Variants in TVP23B observed in about 807,000 individuals in gnomAD.
TVP23B encodes the protein Golgi apparatus membrane protein TVP23 homolog B.
Under a neutral mutation model 30.6 loss-of-function variants are expected in TVP23B, and 10 were observed. The observed-to-expected ratio is 0.33, with a 90% confidence interval of 0.20 to 0.55. TVP23B has a LOEUF of 0.55. TVP23B is among the 20% of genes least tolerant of loss of function. The pLI is 0.91. For synonymous variants in TVP23B, 67 were observed against 83.1 expected (o/e 0.81, Z 1.06); for missense variants, 153 against 243.2 (o/e 0.63, Z 2.47).
intron 3 of TVP23B, chr17:18,797,310 G>A: frequency 2.7e-6 from 1 of 370,934 alleles, no homozygotes; most frequent in South Asian, 2.7e-5. Context: ...CTGGAGAAAG[G>A]GCAAATTGTT....
In TVP23B at chr17:18,804,205, G is replaced by A. The variant is rs374582039; in HGVS notation, c.530G>A (p.Arg177His). The A allele has an allele frequency of 1.7e-5, 27 of 1,610,266 alleles. No homozygotes were observed. The highest frequency in any genetic ancestry group is 2.1e-5 in the Non-Finnish European group (25 of 1,179,028). ...NLYGYIRCKV[R>H]SRKHLTSMAT... ...TATGGTTACATCAGGTGTAAGGTGC[G>A]CAGCAGAAAGCATTTAACCAGCATG... The change falls in exon 6 of 7, where the codon CGC (arginine) becomes CAC (histidine). Residue 177 changes from arginine (R) to histidine (H), a missense_variant. By Grantham distance (29) the Arg-to-His change is conservative (BLOSUM62 0). Around this residue, in one of 3 missense-constraint regions of TVP23B, gnomAD observed 62 missense variants for 74.3 expected, o/e 0.83. Transcript: ENST00000307767.
intron 3 of TVP23B, among the ~76,000 whole-genome samples, chr17:18,792,856 A>C (rs2151847174): frequency 6.6e-6 from 1 of 152,312 alleles, no homozygotes; most frequent in East Asian, 1.9e-4. Context: ...CAGGGTTCTG[A>C]AACAGTTAAA....
intron 1 of TVP23B, among the ~76,000 whole-genome samples, chr17:18,788,287 C>T (rs1250668581): frequency 1.5e-5 from 2 of 134,042 alleles, no homozygotes; most frequent in Admixed American, 1.7e-4. Context: ...GTTGAGGCCA[C>T]GCCACTGCAC....
At chr17:18,782,503 TCAAA>T (rs2035823383) in intron 1 of TVP23B, 1 of 150,832 alleles carries the variant, frequency 6.6e-6, no homozygotes, top group Non-Finnish European at 1.5e-5. Flanking sequence ...AGACTCCGTC[TCAAA>T]CAAAACAAAA....
chr17:18,798,807 T>C lies in TVP23B; in HGVS notation c.331-5T>C, dbSNP rs1597622119. The C allele has an allele frequency of 1.9e-6, 3 of 1,599,882 alleles. No homozygotes were observed. The highest frequency in any genetic ancestry group is 1.7e-6 in the Non-Finnish European group (2 of 1,176,156). On this transcript the variant is annotated splice_region_variant and splice_polypyrimidine_tract_variant and intron_variant, in intron 4 of 6. Coordinates refer to ENST00000307767, the MANE Select transcript of TVP23B (RefSeq NM_016078.6). Reference sequence around the variant, plus strand: ...CATGATAATTGAATTTATGTTCTTTTATAGGAGTCCTCTCAAGAGAATAAA... The same window carrying C: ...CATGATAATTGAATTTATGTTCTTTCATAGGAGTCCTCTCAAGAGAATAAA...
intron 1 of TVP23B, 159 bp downstream of exon 1, chr17:18,781,464 C>T (rs1417166990): frequency 6.7e-6 from 9 of 1,348,318 alleles, no homozygotes; most frequent in Admixed American, 2.7e-5. Context: ...CTGAGGAGGG[C>T]TGCTGGGGGT....
intron 5 of TVP23B, among the ~76,000 whole-genome samples, chr17:18,801,590 G>C (rs541061999): frequency 2.0e-5 from 3 of 152,002 alleles, no homozygotes; most frequent in African/African-American, 7.3e-5. Context: ...CTGGTTTTGC[G>C]TTCTCTTCCT....
chr17:18,796,322 A>C (rs566222210), intron 3 of TVP23B: 1 of 152,260 alleles, frequency 6.6e-6, no homozygotes, highest in Non-Finnish European at 1.5e-5. Flanking sequence ...AGGCGGGTGA[A>C]TCACTGAGGT....
intron 3 of TVP23B, 194 bp from the exon 4 acceptor site, chr17:18,797,385 C>T (rs1381046783): frequency 2.2e-6 from 2 of 898,962 alleles, no homozygotes; most frequent in Non-Finnish European, 3.3e-6. Flanking sequence ...TCACCTCTAC[C>T]CCTATTAGTC....
At chr17:18,787,170 G>A (rs1343074196) in intron 1 of TVP23B, among the ~76,000 whole-genome samples, 19 of 152,258 alleles carry the variant, frequency 1.2e-4, no homozygotes, top group Non-Finnish European at 2.1e-4. Context: ...TGAGGTGGGC[G>A]GATCCCTTGA....
chr17:18,798,053 G>A (rs1162178420), intron 4 of TVP23B, among the ~76,000 whole-genome samples: 8 of 152,040 alleles, frequency 5.3e-5, no homozygotes, highest in Non-Finnish European at 1.0e-4. Flanking sequence ...TTTCATTTCT[G>A]GGCAGGAAAA....
rs1232122076 is a variant in TVP23B, at chr17:18,805,595, A to G, written c.*28A>G. ...AGAGAAAGCTTATGTGCTTTGTTAC[A>G]TTGGGGAACAACTGAAGAGATTCTT... is the stretch of plus-strand genomic sequence containing the variant. On this transcript the variant is annotated 3_prime_UTR_variant, in exon 7 of 7. Coordinates refer to ENST00000307767, the MANE Select transcript of TVP23B (RefSeq NM_016078.6). The G allele has an allele frequency of 1.2e-6, 2 of 1,603,450 alleles. No homozygotes were observed. Among genetic ancestry groups the G allele is most frequent in the South Asian group, 1.1e-5 (1 of 88,918 alleles).
At chr17:18,788,045 C>T (rs577026066) in intron 1 of TVP23B, among the ~76,000 whole-genome samples, 104 of 150,602 alleles carry the variant, frequency 6.9e-4, no homozygotes, top group African/African-American at 2.5e-3. Flanking sequence ...TCTTAGAAGC[C>T]TAAGGTTATG....
At chr17:18,789,938 G>A (rs9894101) in intron 2 of TVP23B, among the ~76,000 whole-genome samples, 13,729 of 152,170 alleles carry the variant, frequency 0.09, 636 homozygotes, top group African/African-American at 0.11. Context: ...GTCCAGAATA[G>A]GCAAATCTGT....
intron 1 of TVP23B, among the ~76,000 whole-genome samples, chr17:18,783,077 A>ATTTATTTATTTG: frequency 1.0e-5 from 1 of 96,542 alleles, no homozygotes; most frequent in South Asian, 2.7e-4. Context: ...TGTTCCCACT[A>ATTTATTTATTTG]TTTATTTATT....
In TVP23B at chr17:18,805,719, A is replaced by G; in HGVS notation, c.*152A>G. ...TTTATAAAAAGGAAAAGTAGTTTTC[A>G]TATTAAGTTTTTATTTCCTTTCCAG... On this transcript the variant is annotated 3_prime_UTR_variant, in exon 7 of 7. Transcript: ENST00000307767. 2.1e-6 allele frequency: 3 copies of G among 1,455,232 alleles called. No homozygotes were observed. The highest frequency in any genetic ancestry group is 2.7e-6 in the Non-Finnish European group (3 of 1,104,644). The allele number at this position is 1,455,232 out of a possible 1,614,324, so 90.1% of individuals were successfully genotyped here. A position where few individuals can be genotyped will look rare whatever the true frequency, so the allele number is the denominator to read the frequency against.
chr17:18,783,871 G>A (rs1313025557), intron 1 of TVP23B, among the ~76,000 whole-genome samples: 2 of 152,208 alleles, frequency 1.3e-5, no homozygotes, highest in East Asian at 3.8e-4. Context: ...ACTTGGCCGG[G>A]CGCGGTGGCT....
intron 3 of TVP23B, among the ~76,000 whole-genome samples, chr17:18,794,959 G>T (rs1247643537): frequency 2.0e-5 from 3 of 150,766 alleles, no homozygotes; most frequent in African/African-American, 7.3e-5. Context: ...ACAACTCAAG[G>T]CCTCTCCATG....
At chr17:18,800,055 GA>G (rs1297994864) in intron 5 of TVP23B, among the ~76,000 whole-genome samples, 4 of 152,082 alleles carry the variant, frequency 2.6e-5, no homozygotes, top group Middle Eastern at 6.8e-3. Flanking sequence ...TCCTGCTCTG[GA>G]AAATGGGAAA....
Sources: gnomAD v4.1 joint callset for allele counts (sites outside exome capture counted in the v4.1 genomes callset) on GRCh38, gnomAD v4.1.1 for gene constraint, gnomAD v4.1.1 regional missense constraint, MANE v1.5 for transcripts, NCBI Gene and HGNC (gene_info 2026-07-23, HGNC 2026-07-21) for gene names.